KLRG2: variants seen among roughly 807,000 people sequenced by gnomAD.
KLRG2 encodes killer cell lectin like receptor G2, also known as killer cell lectin-like receptor subfamily G member 2.
Under a neutral mutation model 35.4 loss-of-function variants are expected in KLRG2, and 39 were observed. The ratio of observed to expected loss-of-function variants is 1.10; its 90% CI spans 0.85 to 1.44. KLRG2 has a LOEUF of 1.44. Ranked by LOEUF, KLRG2 falls within the 40% of genes most tolerant of loss-of-function variation. The pLI is 0.00. For missense variants in KLRG2, 632 were observed against 570.9 expected, an observed-to-expected ratio of 1.11 and a Z score of -1.09; for synonymous variants, 283 against 265.8, an observed-to-expected ratio of 1.06 and a Z score of -0.63.
chr7:139,464,942 TC>T (rs1456458318), intron 3 of KLRG2, among the ~76,000 whole-genome samples: 1 of 152,260 alleles, frequency 6.6e-6, no homozygotes, highest in Non-Finnish European at 1.5e-5. Context: ...TTGTTGAGTC[TC>T]CCACAATTAC....
At position 139,483,348 on chromosome 7, in the gene KLRG2, C is replaced by T. The variant is rs1369776829; in HGVS notation, c.295G>A (p.Ala99Thr). 3.2e-6 allele frequency: 5 copies of T among 1,543,030 alleles called. No homozygotes were observed. The highest frequency in any genetic ancestry group is 2.6e-6 in the Non-Finnish European group (3 of 1,154,628). Residue 99 changes from alanine (A) to threonine (T), a missense_variant, in exon 1 of 5, where the codon GCC becomes ACC. Ala to Thr is a moderately conservative substitution (Grantham distance 58). Transcript: ENST00000340940. Reference protein sequence around the residue: ...VCPEPPSPGPALVKLPRNGEA... With the variant: ...VCPEPPSPGPTLVKLPRNGEA... ...CCATTCCGGGGCAGCTTGACCAAGG[C>T]AGGGCCCGGTGACGGCGGCTCGGGG...
rs1326705204 is a variant in KLRG2, at chr7:139,453,193, C to T, written c.*394G>A. ...AAGTCCCACTGCCACTGAACAACGG[C>T]AGACTCATTTCCATGAGCCGGAATG... On this transcript the variant is annotated 3_prime_UTR_variant, in exon 5 of 5. Transcript: ENST00000340940. The T allele has an allele frequency of 5.4e-6, 2 of 367,180 alleles. No homozygotes were observed. Among genetic ancestry groups the T allele is most frequent in the East Asian group, 1.0e-4 (2 of 19,948 alleles). 22.7% of individuals were successfully genotyped at this position (367,180 alleles called of 1,614,324 possible). A position where few individuals can be genotyped will look rare whatever the true frequency, so the allele number is the denominator to read the frequency against.
intron 3 of KLRG2, among the ~76,000 whole-genome samples, chr7:139,464,758 C>T (rs1450074610): frequency 1.3e-5 from 2 of 152,236 alleles, no homozygotes; most frequent in East Asian, 1.9e-4. Flanking sequence ...TTAGCCTAGC[C>T]TTCATGTCTG....
At chr7:139,441,476 T>C in the KLRG2 span, among the ~76,000 whole-genome samples, 1 of 150,044 alleles carries the variant, frequency 6.7e-6, no homozygotes, top group African/African-American at 2.5e-5. Context: ...TGTTGGTGGG[T>C]GGGGGACTGG....
rs138057692 is a variant in KLRG2 at position 139,454,435 on chromosome 7, G to A, written c.1006-221C>T. 1.1e-3 allele frequency among the ~76,000 whole-genome samples: 171 copies of A among 152,296 alleles called. 1 individual carries two copies. The highest frequency in any genetic ancestry group is 3.9e-3 in the African/African-American group (164 of 41,564). On this transcript the variant is annotated intron_variant, in intron 3 of 4. Transcript: ENST00000340940. ...TGGGGGCCAAAATGAGGGTGACCCC[G>A]TCTCAGCCAAAGGGATGTGAACGCC...
chr7:139,445,781 G>GTATGTATATATA, the KLRG2 span, among the ~76,000 whole-genome samples: 2 of 98,508 alleles, frequency 2.0e-5, no homozygotes, highest in African/African-American at 1.5e-4. Context: ...ATATATATAT[G>GTATGTATATATA]TATATATATA....
chr7:139,442,537 C>A, the KLRG2 span, among the ~76,000 whole-genome samples: 1 of 151,768 alleles, frequency 6.6e-6, no homozygotes, highest in South Asian at 2.1e-4. Context: ...CATAGTGAGA[C>A]CTCATGTCTA....
chr7:139,468,399 C>T (rs1267821731), intron 3 of KLRG2, among the ~76,000 whole-genome samples: 1 of 152,176 alleles, frequency 6.6e-6, no homozygotes, highest in Non-Finnish European at 1.5e-5. Flanking sequence ...GATGACATTA[C>T]TTTGGGAAAT....
At chr7:139,429,974 C>G in the KLRG2 span, among the ~76,000 whole-genome samples, 670 of 152,190 alleles carry the variant, frequency 4.4e-3, 7 homozygotes, top group African/African-American at 0.016. Flanking sequence ...CTGACCCCCC[C>G]CATATGGGTG....
chr7:139,483,073 TGCAGCCAGCGGCGAGCG>T lies in KLRG2; in HGVS notation c.553_569del (p.Arg185SerfsTer183). On this transcript the variant is annotated frameshift_variant, in exon 1 of 5. Transcript: ENST00000340940. LOFTEE classifies it high-confidence loss of function. ...CGTCGCAGCCGCTCTCCGTCCGGGCTGCAGCCAGCGGCGAGCGGCGGCCCCACGTGCCGCCCTGGGAT... is the reference window on the plus strand; with the variant it reads ...CGTCGCAGCCGCTCTCCGTCCGGGCTGCGGCCCCACGTGCCGCCCTGGGAT... 1 of 1,411,450 alleles carries T rather than the reference TGCAGCCAGCGGCGAGCG, an allele frequency of 7.1e-7. No individual in the cohort carries two copies. Among genetic ancestry groups the T allele is most frequent in the Non-Finnish European group, 9.1e-7 (1 of 1,093,530 alleles). The allele number at this position is 1,411,450 out of a possible 1,614,324, so 87.4% of individuals were successfully genotyped here.
the KLRG2 span, among the ~76,000 whole-genome samples, chr7:139,428,430 AT>A: frequency 2.6e-5 from 4 of 150,992 alleles, no homozygotes; most frequent in Middle Eastern, 3.4e-3. Flanking sequence ...AATTTTTTAA[AT>A]TTTTTTTTGC....
chr7:139,433,328 T>G, the KLRG2 span, among the ~76,000 whole-genome samples: 1 of 151,856 alleles, frequency 6.6e-6, no homozygotes, highest in Non-Finnish European at 1.5e-5. Flanking sequence ...TTTTGTTTGT[T>G]TGTTTGTTTG....
At chr7:139,448,999 C>T (rs935811566), downstream of KLRG2, among the ~76,000 whole-genome samples, 10 of 150,658 alleles carry the variant, frequency 6.6e-5, no homozygotes, top group Non-Finnish European at 1.2e-4. Context: ...CCCAGCTACT[C>T]GGGGGGCTGA....
Position 139,479,611 on chromosome 7 carries a change from G to A in KLRG2, c.1005+16C>T. 1 of 1,608,918 alleles carries A rather than the reference G, an allele frequency of 6.2e-7. No individual in the cohort carries two copies. The highest frequency in any genetic ancestry group is 8.5e-7 in the Non-Finnish European group (1 of 1,179,120). ...GAAAGATCTGTACCCCCTTAGATTG[G>A]ACACCCCCTTCTCACCTGGGTGTGG... is the stretch of plus-strand genomic sequence containing the variant. On this transcript the variant is annotated intron_variant, in intron 3 of 4. Transcript: ENST00000340940.
intron 3 of KLRG2, among the ~76,000 whole-genome samples, chr7:139,475,572 C>T (rs1331498690): frequency 6.6e-6 from 1 of 151,252 alleles, no homozygotes; most frequent in Non-Finnish European, 1.5e-5. Flanking sequence ...GGGGGGGTGG[C>T]GGCACACCCC....
chr7:139,450,614 TA>T (rs1796364846), downstream of KLRG2, among the ~76,000 whole-genome samples: 1 of 152,190 alleles, frequency 6.6e-6, no homozygotes, highest in Non-Finnish European at 1.5e-5. Flanking sequence ...CAATCAGTTT[TA>T]TTTTTATTAT....
At chr7:139,446,950 A>C in the KLRG2 span, among the ~76,000 whole-genome samples, 2 of 152,300 alleles carry the variant, frequency 1.3e-5, no homozygotes, top group East Asian at 3.9e-4. Context: ...TAAAGCAAAA[A>C]TTAATTAATT....
At chr7:139,429,552 G>A in the KLRG2 span, among the ~76,000 whole-genome samples, 1 of 151,546 alleles carries the variant, frequency 6.6e-6, no homozygotes, top group Non-Finnish European at 1.5e-5. Context: ...CTGGGTACTT[G>A]AGATTAGGGA....
At chr7:139,457,551 C>T (rs1057079848) in intron 3 of KLRG2, among the ~76,000 whole-genome samples, 2 of 152,222 alleles carry the variant, frequency 1.3e-5, no homozygotes, top group African/African-American at 4.8e-5. Context: ...CTAGTACACA[C>T]TCATCCCATG....
Sources: allele counts gnomAD v4.1 joint callset (sites outside exome capture counted in the v4.1 genomes callset), GRCh38; gene constraint gnomAD v4.1.1; transcripts MANE v1.5; gene names NCBI Gene and HGNC (gene_info 2026-07-23, HGNC 2026-07-21).